ATP11B: variants seen among roughly 807,000 people sequenced by gnomAD.
The protein encoded by ATP11B is ATPase phospholipid transporting 11B (putative).
Under a neutral mutation model 157.8 loss-of-function variants are expected in ATP11B, and 81 were observed. The ratio of observed to expected loss-of-function variants is 0.51; its 90% CI spans 0.43 to 0.62. The LOEUF (loss-of-function observed/expected upper bound fraction) is 0.62, where lower values mean the gene tolerates loss of function less well. Among genes scored for constraint, ATP11B ranks in the 20% least tolerant of loss-of-function variants. ATP11B has a pLI of 0.00. For missense variants in ATP11B, 1,165 were observed against 1,402.2 expected, an observed-to-expected ratio of 0.83 and a Z score of 2.70; for synonymous variants, 451 against 469.4, an observed-to-expected ratio of 0.96 and a Z score of 0.51.
intron 27 of ATP11B, among the ~76,000 whole-genome samples, chr3:182,898,295 A>G (rs992230289): frequency 6.6e-6 from 1 of 152,138 alleles, no homozygotes; most frequent in African/African-American, 2.4e-5. Flanking sequence ...AAAATATTTT[A>G]TTACACACTT....
chr3:182,799,450 G>T (rs1235137570), intron 1 of ATP11B, among the ~76,000 whole-genome samples: 4 of 151,828 alleles, frequency 2.6e-5, no homozygotes, highest in Admixed American at 6.6e-5. Flanking sequence ...CTAATTTTTT[G>T]TATTTTTAGT....
intron 17 of ATP11B, among the ~76,000 whole-genome samples, chr3:182,870,563 G>T (rs914204659): frequency 6.6e-6 from 1 of 152,130 alleles, no homozygotes; most frequent in African/African-American, 2.4e-5. Context: ...GTAAGTATTT[G>T]TTATAGAATG....
At chr3:182,915,948 A>G (rs1725113375) in intron 29 of ATP11B, 1 of 983,162 alleles carries the variant, frequency 1.0e-6, no homozygotes, top group Middle Eastern at 5.2e-4. Context: ...GGTTTCTCCA[A>G]CATCACAGGT....
At chr3:182,835,927 T>C in intron 4 of ATP11B, 108 bp from the exon 5 acceptor site, 1 of 736,164 alleles carries the variant, frequency 1.4e-6, no homozygotes, top group Non-Finnish European at 2.2e-6. Flanking sequence ...CCTCATATGA[T>C]TCTGGAATGT....
intron 1 of ATP11B, among the ~76,000 whole-genome samples, chr3:182,816,935 A>G (rs960020197): frequency 9.2e-5 from 14 of 152,206 alleles, no homozygotes; most frequent in African/African-American, 2.7e-4. Context: ...TTAAATACTA[A>G]TGAACTGAAG....
At chr3:182,908,211 T>C (rs1223415269) in intron 28 of ATP11B, among the ~76,000 whole-genome samples, 1 of 141,802 alleles carries the variant, frequency 7.1e-6, no homozygotes, top group Non-Finnish European at 1.5e-5. Context: ...TTTTTTTTTT[T>C]TTTTTTTTTT....
intron 10 of ATP11B, among the ~76,000 whole-genome samples, chr3:182,852,879 G>C (rs1013529997): frequency 2.0e-5 from 3 of 152,138 alleles, no homozygotes; most frequent in African/African-American, 7.2e-5. Context: ...CACTTAAAAA[G>C]GCACTGTTTA....
intron 1 of ATP11B, 32 bp downstream of exon 1, chr3:182,793,818 T>A: frequency 7.6e-7 from 1 of 1,308,536 alleles, no homozygotes; most frequent in Non-Finnish European, 9.8e-7. Context: ...CCTCCATTCG[T>A]CCGCCCCCGC....
At chr3:182,853,823 A>G (rs75377434) in intron 10 of ATP11B, among the ~76,000 whole-genome samples, 1,732 of 152,352 alleles carry the variant, frequency 0.011, 14 homozygotes, top group Middle Eastern at 0.034. Context: ...GCAATAGCCA[A>G]AATGCATATT....
chr3:182,852,199 A>G (rs1720031713), intron 10 of ATP11B, among the ~76,000 whole-genome samples: 1 of 152,240 alleles, frequency 6.6e-6, no homozygotes, highest in Non-Finnish European at 1.5e-5. Context: ...CACAAAGGAA[A>G]TTTAAATTTC....
chr3:182,796,775 G>C lies in ATP11B; in HGVS notation c.27+2989G>C, dbSNP rs74483687. ...AATAATTAATAGATGAGGAAAGAAA[G>C]AATGAATCTGTAGTGTTGTTTCTGT... On this transcript the variant is annotated intron_variant, in intron 1 of 29. Transcript: ENST00000323116. 3.9e-3 allele frequency among the ~76,000 whole-genome samples: 596 copies of C among 152,296 alleles called. 2 individuals are homozygous for C. The highest frequency in any genetic ancestry group is 0.014 in the African/African-American group (581 of 41,576).
At chr3:182,869,040 A>C (rs749701571) in intron 15 of ATP11B, 38 bp from the exon 16 acceptor site, 100 of 1,409,024 alleles carry the variant, frequency 7.1e-5, no homozygotes, top group Non-Finnish European at 9.3e-5. Context: ...ATTTTAAAAA[A>C]AGTAAAGTTT....
chr3:182,916,414 A>G (rs1725144660), intron 29 of ATP11B: 1 of 985,354 alleles, frequency 1.0e-6, no homozygotes, highest in Middle Eastern at 5.2e-4. Flanking sequence ...TGGTGATTAC[A>G]TTTGTACCAT....
intron 28 of ATP11B, chr3:182,905,846 A>G (rs1352389997): frequency 2.2e-6 from 1 of 456,630 alleles, no homozygotes; most frequent in Non-Finnish European, 4.4e-6. Context: ...GCTGAAAGCC[A>G]GCACAGAGGG....
chr3:182,879,476 A>G lies in ATP11B; in HGVS notation c.2253-20A>G, dbSNP rs370905046. Reference sequence around the variant, plus strand: ...GGCTTCAAAGTATCTTACAGAGAATATAATTATTTTCTCTTTTAGAATTAC... The same window carrying G: ...GGCTTCAAAGTATCTTACAGAGAATGTAATTATTTTCTCTTTTAGAATTAC... On this transcript the variant is annotated intron_variant, in intron 19 of 29. Transcript: ENST00000323116. 6 of 1,583,022 alleles carry G rather than the reference A, an allele frequency of 3.8e-6. No homozygotes were observed. The highest frequency in any genetic ancestry group is 4.3e-6 in the Non-Finnish European group (5 of 1,167,986).
intron 10 of ATP11B, among the ~76,000 whole-genome samples, chr3:182,853,398 A>G (rs1720130830): frequency 6.6e-6 from 1 of 152,030 alleles, no homozygotes; most frequent in Non-Finnish European, 1.5e-5. Flanking sequence ...TAGTAGAGAC[A>G]GGGTTTCACC....
At chr3:182,867,320 G>A in intron 14 of ATP11B, 56 bp from the exon 15 acceptor site, 1 of 994,116 alleles carries the variant, frequency 1.0e-6, no homozygotes. Context: ...TAGTGACATT[G>A]TGAAATATGC....
chr3:182,883,490 T>C (rs1304440715), intron 21 of ATP11B, among the ~76,000 whole-genome samples: 2 of 151,618 alleles, frequency 1.3e-5, no homozygotes, highest in Non-Finnish European at 2.9e-5. Flanking sequence ...ACTCCTGACC[T>C]CAGGTAATCC....
At chr3:182,896,028 C>T (rs1269003112) in intron 25 of ATP11B, among the ~76,000 whole-genome samples, 1 of 152,140 alleles carries the variant, frequency 6.6e-6, no homozygotes, top group Non-Finnish European at 1.5e-5. Flanking sequence ...TTTGGACTAA[C>T]AATGATTACT....
Sources: gnomAD v4.1 joint callset for allele counts (sites outside exome capture counted in the v4.1 genomes callset) on GRCh38, gnomAD v4.1.1 for gene constraint, MANE v1.5 for transcripts, NCBI Gene and HGNC (gene_info 2026-07-23, HGNC 2026-07-21) for gene names.